RSU1: variants seen among roughly 807,000 people sequenced by gnomAD.
The protein encoded by RSU1 is Ras suppressor protein 1, also known as rsu-1.
A neutral mutation model predicts 31.1 loss-of-function variants in RSU1; 26 were observed. The observed-to-expected ratio is 0.84, with a 90% CI of 0.61 to 1.16. RSU1 has a LOEUF of 1.16. RSU1 is among the 50% of genes most tolerant of loss of function. The pLI is 0.00. For synonymous variants in RSU1, 164 were observed against 136.3 expected, an observed-to-expected ratio of 1.20 and a Z score of -1.41; for missense variants, 320 against 339.1, an observed-to-expected ratio of 0.94 and a Z score of 0.44.
Position 16,598,405 on chromosome 10 carries a change from C to T in RSU1, c.732-4909G>A, listed in dbSNP as rs146941006. On this transcript the variant is annotated intron_variant, in intron 8 of 8. Transcript: ENST00000345264. Reference sequence around the variant, plus strand: ...AGTAAAGTAAAAAAAAAAAAATTAGCCAGGTGTGGTGGAGCACACCTGTAG... The same window carrying T: ...AGTAAAGTAAAAAAAAAAAAATTAGTCAGGTGTGGTGGAGCACACCTGTAG... 7.4e-3 allele frequency among the ~76,000 whole-genome samples: 1,127 copies of T among 151,900 alleles called. 13 individuals carry two copies. Among genetic ancestry groups the T allele is most frequent in the African/African-American group, 0.026 (1,077 of 41,286 alleles).
chr10:16,670,365 C>A (rs917249263), intron 8 of RSU1, among the ~76,000 whole-genome samples: 2 of 152,122 alleles, frequency 1.3e-5, no homozygotes, highest in African/African-American at 4.8e-5. Flanking sequence ...ATCTGATAAA[C>A]AAAACTCCTC....
At chr10:16,750,879 T>C (rs1433816200) in intron 7 of RSU1, among the ~76,000 whole-genome samples, 2 of 147,332 alleles carry the variant, frequency 1.4e-5, no homozygotes, top group African/African-American at 5.2e-5. Context: ...TTTTTTTTTT[T>C]CCTTTCAACA....
At chr10:16,618,983 T>C (rs1834026244) in intron 8 of RSU1, among the ~76,000 whole-genome samples, 1 of 152,108 alleles carries the variant, frequency 6.6e-6, no homozygotes, top group African/African-American at 2.4e-5. Flanking sequence ...TCCCAGAACT[T>C]TAAAAAAATT....
intron 7 of RSU1, among the ~76,000 whole-genome samples, chr10:16,741,999 A>G (rs1836764863): frequency 6.6e-6 from 1 of 152,142 alleles, no homozygotes; most frequent in Non-Finnish European, 1.5e-5. Flanking sequence ...TATAATGTAT[A>G]TGGGGTTGGA....
chr10:16,783,788 A>G (rs1356636423), intron 2 of RSU1, among the ~76,000 whole-genome samples: 3 of 152,164 alleles, frequency 2.0e-5, no homozygotes, highest in Non-Finnish European at 4.4e-5. Flanking sequence ...GATGCCCCAT[A>G]AAGTCTATGG....
At chr10:16,717,261 G>C (rs1245484614) in intron 7 of RSU1, among the ~76,000 whole-genome samples, 2 of 152,132 alleles carry the variant, frequency 1.3e-5, no homozygotes, top group African/African-American at 2.4e-5. Flanking sequence ...GAGATGGTGA[G>C]TGTGCAGATA....
intron 8 of RSU1, among the ~76,000 whole-genome samples, chr10:16,644,185 A>C (rs1420262809): frequency 6.6e-6 from 1 of 152,182 alleles, no homozygotes; most frequent in Non-Finnish European, 1.5e-5. Context: ...TGGCACCTGC[A>C]AAGCTGTCAA....
intron 8 of RSU1, among the ~76,000 whole-genome samples, chr10:16,599,523 C>T (rs1427003610): frequency 6.6e-6 from 1 of 152,218 alleles, no homozygotes; most frequent in Non-Finnish European, 1.5e-5. Flanking sequence ...CTGCCTTCGA[C>T]ACCCTACTCA....
intron 8 of RSU1, among the ~76,000 whole-genome samples, chr10:16,594,685 GTATAT>G (rs200111187): frequency 0.028 from 3,990 of 144,528 alleles, 186 homozygotes; most frequent in African/African-American, 0.097. Context: ...TATATTATCT[GTATAT>G]TATATGTATC....
chr10:16,718,619 A>G (rs183272453), intron 7 of RSU1, among the ~76,000 whole-genome samples: 5,285 of 152,256 alleles, frequency 0.035, 312 homozygotes, highest in African/African-American at 0.12. Flanking sequence ...AGGCCTTCTC[A>G]GAATGGTCAG....
chr10:16,593,706 G>A (rs1281749648), intron 8 of RSU1, among the ~76,000 whole-genome samples: 3 of 152,176 alleles, frequency 2.0e-5, no homozygotes, highest in East Asian at 1.9e-4. Context: ...GTCCGATCAC[G>A]GACCAGTCTC....
intron 7 of RSU1, among the ~76,000 whole-genome samples, chr10:16,715,730 G>T (rs1480156730): frequency 1.3e-5 from 2 of 152,176 alleles, no homozygotes; most frequent in Admixed American, 6.5e-5. Flanking sequence ...TTGAAATCAG[G>T]AATTGTTAAA....
intron 7 of RSU1, among the ~76,000 whole-genome samples, chr10:16,719,414 T>C (rs1230761459): frequency 2.0e-5 from 3 of 152,196 alleles, no homozygotes; most frequent in Non-Finnish European, 2.9e-5. Context: ...GGCTCACTTG[T>C]ATCACCCAAA....
At chr10:16,747,108 T>G (rs1211816907) in intron 7 of RSU1, among the ~76,000 whole-genome samples, 1 of 152,050 alleles carries the variant, frequency 6.6e-6, no homozygotes, top group African/African-American at 2.4e-5. Context: ...TCAACCGAGG[T>G]GGCCACAGTC....
intron 8 of RSU1, among the ~76,000 whole-genome samples, chr10:16,609,771 C>T (rs1447204963): frequency 1.3e-5 from 2 of 152,196 alleles, no homozygotes; most frequent in Non-Finnish European, 2.9e-5. Flanking sequence ...AAAGGTAAAA[C>T]AAGCCCTCTT....
chr10:16,693,801 G>A (rs1457802514), intron 8 of RSU1, among the ~76,000 whole-genome samples: 1 of 152,130 alleles, frequency 6.6e-6, no homozygotes, highest in Non-Finnish European at 1.5e-5. Context: ...GCTTGAGGCT[G>A]CAGTGAGCCG....
In RSU1 at chr10:16,602,410, G is replaced by C. The variant is rs1036529115; in HGVS notation, c.732-8914C>G. 2.6e-5 allele frequency among the ~76,000 whole-genome samples: 4 copies of C among 152,166 alleles called. No individual in the cohort carries two copies. The East Asian group carries it at 7.7e-4, about 29-fold the overall frequency. On this transcript the variant is annotated intron_variant, in intron 8 of 8. Coordinates refer to ENST00000345264, the MANE Select transcript of RSU1 (RefSeq NM_012425.4). ...TTATTTGTCAGATGAGGAAATTGAG[G>C]CTTAGCAGCTTGAGGCTCCGATAAA...
intron 8 of RSU1, among the ~76,000 whole-genome samples, chr10:16,682,625 C>T (rs1835351970): frequency 6.6e-6 from 1 of 151,558 alleles, no homozygotes; most frequent in South Asian, 2.1e-4. Flanking sequence ...CTTTCGGGAA[C>T]ACCTACTCTG....
intron 7 of RSU1, among the ~76,000 whole-genome samples, chr10:16,751,598 C>T (rs1836982595): frequency 1.3e-5 from 2 of 152,202 alleles, no homozygotes; most frequent in Admixed American, 1.3e-4. Context: ...GTTTTCTGAG[C>T]ACCTACTGTA....
Sources: gnomAD v4.1 joint callset for allele counts (sites outside exome capture counted in the v4.1 genomes callset) on GRCh38, gnomAD v4.1.1 for gene constraint, MANE v1.5 for transcripts, NCBI Gene and HGNC (gene_info 2026-07-23, HGNC 2026-07-21) for gene names.